The following PLEKHA8 variants were observed in gnomAD, a reference collection of about 807,000 sequenced individuals.
The protein encoded by PLEKHA8 is pleckstrin homology domain-containing family A member 8.
In PLEKHA8, 36 loss-of-function variants were observed where a neutral mutation model predicts 68.2. The ratio of observed to expected loss-of-function variants is 0.53; its 90% CI spans 0.40 to 0.70. The LOEUF is 0.70. Among genes scored for constraint, PLEKHA8 ranks in the 30% least tolerant of loss-of-function variants. The probability of loss-of-function intolerance (pLI) is 0.00; values close to 1 mark genes in which losing one functional copy is unlikely to be tolerated. For missense variants in PLEKHA8, 505 were observed against 615.4 expected (o/e 0.82, Z 1.90); for synonymous variants, 211 against 216.1 (o/e 0.98, Z 0.20).
intron 9 of PLEKHA8, among the ~76,000 whole-genome samples, chr7:30,060,363 G>T (rs980078977): frequency 6.6e-6 from 1 of 152,008 alleles, no homozygotes; most frequent in Non-Finnish European, 1.5e-5. Flanking sequence ...GCTTGAACCT[G>T]GGAGGTGGAG....
rs1794898303 is a variant in PLEKHA8 at position 30,080,920 on chromosome 7, G to T, written c.*2133G>T. ...TACCATTTAGCGGGGATGATACCAG[G>T]TGGTTGTTAGAATTGTGCAGTGTGA... On this transcript the variant is annotated 3_prime_UTR_variant, in exon 14 of 14. Coordinates refer to ENST00000449726, the MANE Select transcript of PLEKHA8 (RefSeq NM_001197026.2). The T allele has an allele frequency of 1.0e-6, 1 of 985,246 alleles. No homozygotes were observed. The highest frequency in any genetic ancestry group is 4.7e-5 in the South Asian group (1 of 21,276). The allele number at this position is 985,246 out of a possible 1,614,324, so 61.0% of individuals were successfully genotyped here. A position where few individuals can be genotyped will look rare whatever the true frequency, so the allele number is the denominator to read the frequency against.
Position 30,081,054 on chromosome 7 carries a change from A to G in PLEKHA8, c.*2267A>G. 1.0e-6 allele frequency: 1 copy of G among 985,342 alleles called. No homozygotes were observed. The highest frequency in any genetic ancestry group is 1.2e-6 in the Non-Finnish European group (1 of 829,916). The allele number at this position is 985,342 out of a possible 1,614,324, so 61.0% of individuals were successfully genotyped here. A position where few individuals can be genotyped will look rare whatever the true frequency, so the allele number is the denominator to read the frequency against. ...CAGGTTTGCCACCGCAACTCTGAATACACACAAAAGGAAAGCTGCTCAGCA... is the reference window on the plus strand; with the variant it reads ...CAGGTTTGCCACCGCAACTCTGAATGCACACAAAAGGAAAGCTGCTCAGCA... On this transcript the variant is annotated 3_prime_UTR_variant, in exon 14 of 14. Coordinates refer to ENST00000449726, the MANE Select transcript of PLEKHA8 (RefSeq NM_001197026.2).
At chr7:30,091,027 G>A (rs901386033), downstream of PLEKHA8, among the ~76,000 whole-genome samples, 8 of 152,098 alleles carry the variant, frequency 5.3e-5, no homozygotes, top group Admixed American at 5.2e-4. Flanking sequence ...AGCCAGGCGT[G>A]ATGGTGCATG....
intron 1 of PLEKHA8, among the ~76,000 whole-genome samples, chr7:30,038,074 G>C (rs1791238264): frequency 6.6e-6 from 1 of 152,084 alleles, no homozygotes; most frequent in Non-Finnish European, 1.5e-5. Flanking sequence ...AGTTCTGAAG[G>C]AACTGTGGCG....
At position 30,108,067 on chromosome 7, in the gene PLEKHA8, C is replaced by CAAAAAAAAAAAA. The variant is rs796801365; in HGVS notation, c.1363-21185_1363-21174dup. On this transcript the variant is annotated intron_variant, in intron 13 of 13. Transcript: ENST00000396257. ...CTGGGCAAAAAGCAAAACTCCATCT[C>CAAAAAAAAAAAA]AAAAAAAAAAAAAAAAAAAAAAAAA... Among the ~76,000 whole-genome samples, 51 of 52,826 alleles carry CAAAAAAAAAAAA rather than the reference C, an allele frequency of 9.7e-4. 6 individuals carry two copies. Among genetic ancestry groups the CAAAAAAAAAAAA allele is most frequent in the African/African-American group, 3.6e-3 (49 of 13,654 alleles). The allele number at this position is 52,826 out of a possible 152,430, so 34.7% of individuals were successfully genotyped here.
chr7:30,065,846 C>T (rs540126453), intron 12 of PLEKHA8, among the ~76,000 whole-genome samples: 1 of 152,284 alleles, frequency 6.6e-6, no homozygotes, highest in East Asian at 1.9e-4. Context: ...TCAAAATCTC[C>T]ATCGGTGGTT....
chr7:30,126,225 A>G (rs1006321992), intron 13 of PLEKHA8, among the ~76,000 whole-genome samples: 1 of 149,634 alleles, frequency 6.7e-6, no homozygotes, highest in South Asian at 2.1e-4. Context: ...TCTTCAACCA[A>G]GAAAGACAGT....
In PLEKHA8 at chr7:30,052,770, G is replaced by T; in HGVS notation, c.700G>T (p.Glu234Ter). The change falls in exon 7 of 14, where the codon GAA (glutamate) becomes TAA (stop). Residue 234 changes from glutamate to a stop codon, truncating the protein, a stop_gained. Coordinates refer to ENST00000449726, the MANE Select transcript of PLEKHA8 (RefSeq NM_001197026.2). LOFTEE classifies it high-confidence loss of function. Reference protein sequence around the residue: ...SLNMEINGEEEILMKNKNSLY... With the variant: ...SLNMEINGEE ...AAATATGGAAATAAATGGTGAGGAA[G>T]AAATCCTAATGAAAAATAAGAATTC... is the stretch of plus-strand genomic sequence containing the variant. 3 of 1,568,872 alleles carry T rather than the reference G, an allele frequency of 1.9e-6. No individual in the cohort carries two copies. The highest frequency in any genetic ancestry group is 2.6e-6 in the Non-Finnish European group (3 of 1,165,724).
intron 1 of PLEKHA8, among the ~76,000 whole-genome samples, chr7:30,029,753 T>C (rs1352912692): frequency 1.3e-5 from 2 of 152,218 alleles, no homozygotes; most frequent in Non-Finnish European, 2.9e-5. Flanking sequence ...ACGTTTTCTT[T>C]CTTTTGTGGG....
Position 30,081,978 on chromosome 7 carries a change from T to G in PLEKHA8, c.*3191T>G. 1 of 941,896 alleles carries G rather than the reference T, an allele frequency of 1.1e-6. No individual in the cohort carries two copies. The highest frequency in any genetic ancestry group is 1.3e-6 in the Non-Finnish European group (1 of 790,556). 58.3% of individuals were successfully genotyped at this position (941,896 alleles called of 1,614,324 possible). ...GGTGAAAAATGTTAAATTGGAGAGA[T>G]CCCTTTTGGGAGTGAAACCAAATTG... On this transcript the variant is annotated 3_prime_UTR_variant, in exon 14 of 14. Coordinates refer to ENST00000449726, the MANE Select transcript of PLEKHA8 (RefSeq NM_001197026.2).
At chr7:30,074,549 AC>A (rs1019209849) in intron 13 of PLEKHA8, among the ~76,000 whole-genome samples, 5 of 152,200 alleles carry the variant, frequency 3.3e-5, no homozygotes, top group African/African-American at 1.2e-4. Context: ...TAGCAGAAGT[AC>A]GTAGGAAGCA....
At chr7:30,074,001 A>AAAAG in intron 12 of PLEKHA8, 70 bp from the exon 13 acceptor site, 4 of 1,284,594 alleles carry the variant, frequency 3.1e-6, no homozygotes, top group Non-Finnish European at 4.4e-6. Flanking sequence ...AAAAAAAAAA[A>AAAAG]GTACATTATA....
At chr7:30,124,427 A>T (rs1796740815) in intron 13 of PLEKHA8, among the ~76,000 whole-genome samples, 1 of 152,212 alleles carries the variant, frequency 6.6e-6, no homozygotes, top group African/African-American at 2.4e-5. Context: ...TTTGTGTGGG[A>T]TAAAAAAGAG....
rs990949177 is a variant in PLEKHA8, at chr7:30,127,558, G to A, written c.1363-1708G>A. Among the ~76,000 whole-genome samples, 14 of 152,272 alleles carry A rather than the reference G, an allele frequency of 9.2e-5. No individual in the cohort carries two copies. The South Asian group carries it at 2.1e-3, about 23-fold the overall frequency. ...TTATGATCACGAAAGGAAAGCAGAC[G>A]CTAGGGAAAAATTGTGAAAGACTGA... On this transcript the variant is annotated intron_variant, in intron 13 of 13. Coordinates refer to the PLEKHA8 transcript ENST00000396257.
chr7:30,029,228 C>T (rs1418492821), intron 1 of PLEKHA8, among the ~76,000 whole-genome samples: 1 of 152,220 alleles, frequency 6.6e-6, no homozygotes, highest in Non-Finnish European at 1.5e-5. Flanking sequence ...TGGAATTCCA[C>T]AGCGGAAAGA....
At chr7:30,073,680 C>T (rs1253700274) in intron 12 of PLEKHA8, among the ~76,000 whole-genome samples, 1 of 150,678 alleles carries the variant, frequency 6.6e-6, no homozygotes, top group East Asian at 1.9e-4. Context: ...CCAATAGTAT[C>T]GTGCTACTAT....
intron 13 of PLEKHA8, among the ~76,000 whole-genome samples, chr7:30,101,413 A>G (rs1182490341): frequency 6.6e-6 from 1 of 152,058 alleles, no homozygotes; most frequent in Non-Finnish European, 1.5e-5. Flanking sequence ...TGGTGCCAGC[A>G]TGGTGCCAGA....
Position 30,045,066 on chromosome 7 carries a change from C to T in PLEKHA8, c.41-19C>T. 6.5e-7 allele frequency: 1 copy of T among 1,540,270 alleles called. No homozygotes were observed. On this transcript the variant is annotated intron_variant, in intron 1 of 13. Coordinates refer to ENST00000449726, the MANE Select transcript of PLEKHA8 (RefSeq NM_001197026.2). ...TACACAGGCAGTAATTGCAATGATG[C>T]TCTTGCTTTTGTTTTCAGGTTGGCA...
downstream of PLEKHA8, among the ~76,000 whole-genome samples, chr7:30,088,650 C>T (rs1795276057): frequency 6.6e-6 from 1 of 152,092 alleles, no homozygotes; most frequent in Non-Finnish European, 1.5e-5. Context: ...AAAAGTAAAA[C>T]TCAGTTAAAA....
Sources: gnomAD v4.1 joint callset for allele counts (sites outside exome capture counted in the v4.1 genomes callset) on GRCh38, gnomAD v4.1.1 for gene constraint, MANE v1.5 for transcripts, NCBI Gene and HGNC (gene_info 2026-07-23, HGNC 2026-07-21) for gene names.